Variants in TFE3 observed in about 807,000 individuals in gnomAD.
TFE3 encodes the protein transcription factor E3.
In TFE3, 5 loss-of-function variants were observed where a neutral mutation model predicts 35.0. The ratio of observed to expected loss-of-function variants is 0.14; its 90% CI spans 0.07 to 0.30. TFE3 has a LOEUF of 0.30. Among genes scored for constraint, TFE3 ranks in the 10% least tolerant of loss-of-function variants. The probability of loss-of-function intolerance (pLI) is 1.00; values close to 1 mark genes in which losing one functional copy is unlikely to be tolerated. For synonymous variants in TFE3, 211 were observed against 215.6 expected, an observed-to-expected ratio of 0.98 and a Z score of 0.18; for missense variants, 374 against 496.6, an observed-to-expected ratio of 0.75 and a Z score of 2.35.
intron 1 of TFE3, among the ~76,000 whole-genome samples, chrX:49,042,592 T>C (rs1261380204): frequency 9.0e-6 from 1 of 111,109 alleles, no homozygotes; most frequent in African/African-American, 3.3e-5. Flanking sequence ...TCCCTCCAGA[T>C]TCATGTTATC....
chrX:49,034,114 G>T lies in TFE3; in HGVS notation c.1003+20C>A, dbSNP rs782228674. 41 of 1,170,619 alleles carry T rather than the reference G, an allele frequency of 3.5e-5. No homozygotes were observed. In the South Asian group the frequency reaches 6.6e-4, roughly 19 times the overall value. On this transcript the variant is annotated intron_variant, in intron 6 of 9. Coordinates refer to ENST00000315869, the MANE Select transcript of TFE3 (RefSeq NM_006521.6). Reference sequence around the variant, plus strand: ...CTGGGGTAAAGTGTAGGGCCATGGGGCCAAGACCCTATCACCTACCAGAGA... The same window carrying T: ...CTGGGGTAAAGTGTAGGGCCATGGGTCCAAGACCCTATCACCTACCAGAGA...
Position 49,039,216 on chromosome X carries a change from A to G in TFE3, c.425T>C (p.Phe142Ser). ...ERREQAAAAP[F>S]PSPAPASPAI... The stretch of plus-strand genomic sequence containing the variant: ...AGGAGAGGCAGGTGCAGGACTGGGG[A>G]AGGGAGCCGCGGCGGCCTGTTCCCG... Residue 142 changes from phenylalanine (F) to serine (S), a missense_variant, in exon 3 of 10, where the codon TTC becomes TCC. Coordinates refer to ENST00000315869, the MANE Select transcript of TFE3 (RefSeq NM_006521.6). 8.3e-7 allele frequency: 1 copy of G among 1,206,033 alleles called. No homozygotes were observed. The highest frequency in any genetic ancestry group is 1.7e-5 in the African/African-American group (1 of 57,287).
At chrX:49,042,012 C>A (rs2064762770) in intron 1 of TFE3, among the ~76,000 whole-genome samples, 1 of 21,903 alleles carries the variant, frequency 4.6e-5, no homozygotes, top group South Asian at 0.014. Context: ...ACAAAGGAGG[C>A]AAAGACCCCC....
At position 49,039,495 on chromosome X, in the gene TFE3, G is replaced by A. The variant is rs1189030615; in HGVS notation, c.231-85C>T. 4.0e-6 allele frequency: 4 copies of A among 1,007,868 alleles called. No homozygotes were observed. The African/African-American group carries it at 7.9e-5, about 20-fold the overall frequency. 83.1% of individuals were successfully genotyped at this position (1,007,868 alleles called of 1,213,427 possible). A position where few individuals can be genotyped will look rare whatever the true frequency, so the allele number is the denominator to read the frequency against. On this transcript the variant is annotated intron_variant, in intron 2 of 9. Coordinates refer to ENST00000315869, the MANE Select transcript of TFE3 (RefSeq NM_006521.6). The stretch of plus-strand genomic sequence containing the variant: ...TAAAGGGTCTTAGCGTGACGGAGCA[G>A]ACACAGGAACCAGGCCTGTTCTCTG...
chrX:49,032,748 C>T (rs1351973171), intron 8 of TFE3, among the ~76,000 whole-genome samples: 60 of 109,300 alleles, frequency 5.5e-4, no homozygotes, highest in Non-Finnish European at 8.2e-4. Context: ...CATATTGGCT[C>T]ACTGCAACCT....
chrX:49,038,346 G>C lies in TFE3; in HGVS notation c.631C>G (p.Leu211Val), dbSNP rs1361496478. Residue 211 changes from leucine (L) to valine (V), a missense_variant, in exon 4 of 10, where the codon CTG becomes GTG. Physicochemically the swap from Leu to Val is conservative, Grantham distance 32. Around this residue, in one of 3 missense-constraint regions of TFE3, gnomAD observed 167 missense variants for 297.2 expected, o/e 0.56. Coordinates refer to ENST00000315869, the MANE Select transcript of TFE3 (RefSeq NM_006521.6). ...QYLSTTLGPK[L>V]ASQALTPPPG... ...GGTGGGGTGAGGGCCTGGGAAGCCA[G>C]CTTGGGCCCGAGTGTGGTGGACAGG... The C allele has an allele frequency of 3.3e-6, 4 of 1,205,153 alleles. No homozygotes were observed. The highest frequency in any genetic ancestry group is 5.9e-5 in the East Asian group (2 of 33,682).
In TFE3 at chrX:49,033,551, G is replaced by C; in HGVS notation, c.1061-11C>G. The stretch of plus-strand genomic sequence containing the variant: ...GCCTGCGACGCTCAACTTTGGAGAG[G>C]GGAGGAGAGGAAGAAAGAGTGGGAG... On this transcript the variant is annotated splice_polypyrimidine_tract_variant and intron_variant, in intron 7 of 9. Transcript: ENST00000315869. 8.3e-7 allele frequency: 1 copy of C among 1,209,753 alleles called. No individual in the cohort carries two copies. Among genetic ancestry groups the C allele is most frequent in the Non-Finnish European group, 1.1e-6 (1 of 893,840 alleles).
chrX:49,043,054 C>G (rs1830128024), intron 1 of TFE3, 57 bp downstream of exon 1: 2 of 1,029,056 alleles, frequency 1.9e-6, no homozygotes, highest in Admixed American at 3.2e-5. Context: ...CCACTGCCCC[C>G]GAGATCAGGC....
At chrX:49,036,835 T>C (rs782411703) in intron 5 of TFE3, among the ~76,000 whole-genome samples, 1 of 111,341 alleles carries the variant, frequency 9.0e-6, no homozygotes, top group East Asian at 2.8e-4. Context: ...TAAAGCAAGT[T>C]ATGAGACTCT....
intron 5 of TFE3, among the ~76,000 whole-genome samples, chrX:49,037,132 G>A (rs896675111): frequency 2.7e-5 from 3 of 110,218 alleles, no homozygotes; most frequent in Non-Finnish European, 5.7e-5. Flanking sequence ...GGTGAAACCC[G>A]GTCTCTACTA....
chrX:49,035,725 C>T (rs1368022514), intron 5 of TFE3, among the ~76,000 whole-genome samples: 1 of 109,523 alleles, frequency 9.1e-6, no homozygotes, highest in African/African-American at 3.3e-5. Context: ...ATCTCTTGAA[C>T]CCACTTCCAG....
chrX:49,030,189 C>T lies in TFE3; in HGVS notation c.1697G>A (p.Arg566His), dbSNP rs782320148. The change falls in exon 10 of 10, where the codon CGC (arginine) becomes CAC (histidine). Residue 566 changes from arginine to histidine, a missense_variant. Coordinates refer to ENST00000315869, the MANE Select transcript of TFE3 (RefSeq NM_006521.6). ...CTCCTCTTCCATGCTGAAGCTGCTG[C>T]GGCGGCTGCTGGCCTTGGAGACAGC... Reference protein sequence around the residue: ...SPAVSKASSRRSSFSMEEES With the variant: ...SPAVSKASSRHSSFSMEEES The T allele has an allele frequency of 1.7e-5, 20 of 1,204,198 alleles. No homozygotes were observed. The East Asian group carries it at 1.8e-4, about 11-fold the overall frequency.
chrX:49,034,317 AC>A, intron 5 of TFE3, 66 bp from the exon 6 acceptor site: 2 of 784,623 alleles, frequency 2.5e-6, no homozygotes, highest in Non-Finnish European at 3.8e-6. Context: ...CCTCCTCAGA[AC>A]CAGGTTCCTG....
intron 1 of TFE3, among the ~76,000 whole-genome samples, chrX:49,042,247 A>T (rs1479511220): frequency 1.8e-5 from 2 of 111,446 alleles, no homozygotes; most frequent in African/African-American, 3.3e-5. Context: ...AGATAAAAAG[A>T]AAAGGGGTGT....
chrX:49,036,845 T>C (rs1338996682), intron 5 of TFE3, among the ~76,000 whole-genome samples: 1 of 111,656 alleles, frequency 9.0e-6, no homozygotes, highest in African/African-American at 3.3e-5. Context: ...TATGAGACTC[T>C]TGGAGTGTTC....
chrX:49,043,022 C>T, intron 1 of TFE3, 89 bp downstream of exon 1: 1 of 816,218 alleles, frequency 1.2e-6, no homozygotes, highest in Admixed American at 3.7e-5. Flanking sequence ...GGCCGAGGGC[C>T]TCCAATCCCA....
intron 5 of TFE3, 36 bp from the exon 6 acceptor site, chrX:49,034,287 A>G: frequency 1.1e-6 from 1 of 921,259 alleles, no homozygotes. Flanking sequence ...ACCAGTTGGG[A>G]ACAAACCCCA....
chrX:49,043,234 G>C lies in TFE3; in HGVS notation c.-8C>G, dbSNP rs782686901. The C allele has an allele frequency of 2.6e-6, 3 of 1,142,858 alleles. No individual in the cohort carries two copies. The highest frequency in any genetic ancestry group is 3.6e-5 in the African/African-American group (2 of 55,910). 94.2% of individuals were successfully genotyped at this position (1,142,858 alleles called of 1,213,427 possible). A position where few individuals can be genotyped will look rare whatever the true frequency, so the allele number is the denominator to read the frequency against. On this transcript the variant is annotated 5_prime_UTR_variant, in exon 1 of 10. Transcript: ENST00000315869. ...TTCGGCCGCATGAGACATGACGCCC[G>C]GCCCCGGGCGAGCCCTGCCAGGCCG...
chrX:49,037,165 G>C (rs374149738), intron 5 of TFE3, among the ~76,000 whole-genome samples: 1 of 111,465 alleles, frequency 9.0e-6, no homozygotes, highest in Non-Finnish European at 1.9e-5. Flanking sequence ...TTAGCCAAGC[G>C]TAGTGGCGTA....
Sources: gnomAD v4.1 joint callset for allele counts (sites outside exome capture counted in the v4.1 genomes callset) on GRCh38, gnomAD v4.1.1 for gene constraint, gnomAD v4.1.1 regional missense constraint, MANE v1.5 for transcripts, NCBI Gene and HGNC (gene_info 2026-07-23, HGNC 2026-07-21) for gene names.